The following AKT3 variants were observed in gnomAD, a reference collection of about 807,000 sequenced individuals.
AKT3 encodes AKT serine/threonine kinase 3.
A neutral mutation model predicts 65.3 loss-of-function variants in AKT3; 15 were observed. That is an observed-to-expected ratio of 0.23 (90% CI 0.15 to 0.35). The LOEUF is 0.35. Among genes scored for constraint, AKT3 ranks in the 10% least tolerant of loss-of-function variants. AKT3 has a pLI of 1.00. For missense variants in AKT3, 243 were observed against 576.5 expected, an observed-to-expected ratio of 0.42 and a Z score of 5.92; for synonymous variants, 206 against 183.8, an observed-to-expected ratio of 1.12 and a Z score of -0.98.
At chr1:243,769,961 A>G (rs1690072592) in intron 2 of AKT3, among the ~76,000 whole-genome samples, 1 of 152,172 alleles carries the variant, frequency 6.6e-6, no homozygotes, top group Non-Finnish European at 1.5e-5. Flanking sequence ...TAGGTGTTTA[A>G]TACACATTGC....
intron 2 of AKT3, among the ~76,000 whole-genome samples, chr1:243,718,473 A>T (rs767694692): frequency 6.6e-5 from 10 of 151,788 alleles, no homozygotes; most frequent in Non-Finnish European, 1.3e-4. Flanking sequence ...TTTTTTTCAG[A>T]CAGTCTCTCT....
rs1669209534 is a variant in AKT3, at chr1:243,500,768, T to G, written c.*4481A>C. ...TCTCAGAAGTGATGTGGATTAGGCTTTGGAGGCGGTGGCATGATCTACACA... is the reference window on the plus strand; with the variant it reads ...TCTCAGAAGTGATGTGGATTAGGCTGTGGAGGCGGTGGCATGATCTACACA... On this transcript the variant is annotated 3_prime_UTR_variant, in exon 14 of 14. Coordinates refer to ENST00000673466, the MANE Select transcript of AKT3 (RefSeq NM_005465.7). The G allele has an allele frequency of 4.8e-6, 1 of 207,144 alleles. No homozygotes were observed. The highest frequency in any genetic ancestry group is 2.1e-4 in the South Asian group (1 of 4,670). 12.8% of individuals were successfully genotyped at this position (207,144 alleles called of 1,614,324 possible).
chr1:243,671,882 C>T (rs1683177932), intron 3 of AKT3, among the ~76,000 whole-genome samples: 1 of 152,188 alleles, frequency 6.6e-6, no homozygotes, highest in Non-Finnish European at 1.5e-5. Context: ...ATCTCAATCC[C>T]AATCCCATGC....
chr1:243,513,501 C>A (rs1422126265), intron 12 of AKT3, among the ~76,000 whole-genome samples: 1 of 152,084 alleles, frequency 6.6e-6, no homozygotes, highest in Non-Finnish European at 1.5e-5. Flanking sequence ...CTTTCTGTCA[C>A]CAAATGTATG....
intron 3 of AKT3, among the ~76,000 whole-genome samples, chr1:243,693,139 T>C (rs1420712030): frequency 1.3e-5 from 2 of 149,878 alleles, no homozygotes; most frequent in African/African-American, 4.9e-5. Context: ...AAAAAGCCTA[T>C]TTTGGTAAAA....
In AKT3 at chr1:243,807,820, C is replaced by T. The variant is rs549032581; in HGVS notation, c.46+35305G>A. 2.2e-4 allele frequency among the ~76,000 whole-genome samples: 34 copies of T among 152,198 alleles called. 1 individual carries two copies. In the South Asian group the frequency reaches 6.8e-3, roughly 31 times the overall value. On this transcript the variant is annotated intron_variant, in intron 2 of 13. Coordinates refer to ENST00000673466, the MANE Select transcript of AKT3 (RefSeq NM_005465.7). Reference sequence around the variant, plus strand: ...ACTGACACCTCACACGGCCGGGCACCCCTCTGAGACGAAACTTCCAGAGGA... The same window carrying T: ...ACTGACACCTCACACGGCCGGGCACTCCTCTGAGACGAAACTTCCAGAGGA...
At chr1:243,711,328 A>T (rs1359537380) in intron 2 of AKT3, among the ~76,000 whole-genome samples, 1 of 152,196 alleles carries the variant, frequency 6.6e-6, no homozygotes, top group East Asian at 1.9e-4. Context: ...ACTCCATCTC[A>T]AAAACAAACA....
chr1:243,688,532 T>G (rs750580375), intron 3 of AKT3, among the ~76,000 whole-genome samples: 21 of 152,150 alleles, frequency 1.4e-4, no homozygotes, highest in Non-Finnish European at 2.1e-4. Context: ...CCAGAAAAGA[T>G]AATATTTGAA....
At chr1:243,794,852 A>C (rs1691852977) in intron 2 of AKT3, among the ~76,000 whole-genome samples, 2 of 152,184 alleles carry the variant, frequency 1.3e-5, no homozygotes, top group African/African-American at 4.8e-5. Context: ...ACACCATAGG[A>C]CTTTCTGCTT....
intron 2 of AKT3, among the ~76,000 whole-genome samples, chr1:243,701,309 G>T (rs949939446): frequency 2.0e-5 from 3 of 152,184 alleles, no homozygotes; most frequent in Non-Finnish European, 4.4e-5. Flanking sequence ...TCATGTTGAT[G>T]AATATCTGAT....
At chr1:243,612,519 A>C (rs1262677547) in intron 8 of AKT3, 2 of 153,454 alleles carry the variant, frequency 1.3e-5, no homozygotes, top group African/African-American at 4.8e-5. Context: ...GAAAATAAGA[A>C]TATTTTAAGT....
chr1:243,710,166 T>G (rs1438915743), intron 2 of AKT3, among the ~76,000 whole-genome samples: 1 of 152,170 alleles, frequency 6.6e-6, no homozygotes, highest in East Asian at 1.9e-4. Flanking sequence ...TAGAAGTTTC[T>G]GAAGTTTTCT....
At chr1:243,577,906 T>G (rs547287740) in intron 8 of AKT3, among the ~76,000 whole-genome samples, 14 of 152,236 alleles carry the variant, frequency 9.2e-5, no homozygotes, top group African/African-American at 3.4e-4. Context: ...AAAGAAGACA[T>G]TTATGTGACC....
chr1:243,507,335 T>C (rs1405974089), intron 13 of AKT3, among the ~76,000 whole-genome samples: 3 of 152,242 alleles, frequency 2.0e-5, no homozygotes, highest in Admixed American at 1.3e-4. Context: ...ATTCTGTCAC[T>C]TCAGTAACAC....
At chr1:243,843,976 C>T (rs1695400032) in intron 1 of AKT3, among the ~76,000 whole-genome samples, 1 of 152,068 alleles carries the variant, frequency 6.6e-6, no homozygotes, top group Non-Finnish European at 1.5e-5. Context: ...ATATAAAATA[C>T]AACGTACCAA....
At chr1:243,645,839 A>G in intron 5 of AKT3, 54 bp downstream of exon 5, 1 of 1,472,686 alleles carries the variant, frequency 6.8e-7, no homozygotes, top group Non-Finnish European at 9.1e-7. Context: ...AGCTTTTAAT[A>G]TGTTTCTTCC....
chr1:243,749,388 C>T (rs946160281), intron 2 of AKT3, among the ~76,000 whole-genome samples: 1 of 152,010 alleles, frequency 6.6e-6, no homozygotes, highest in Non-Finnish European at 1.5e-5. Flanking sequence ...CCTCTTCAAA[C>T]CCCTCTCCCC....
At chr1:243,722,828 C>T (rs1374218598) in intron 2 of AKT3, among the ~76,000 whole-genome samples, 1 of 152,126 alleles carries the variant, frequency 6.6e-6, no homozygotes, top group Non-Finnish European at 1.5e-5. Context: ...AGAACCCTGT[C>T]TAGGAAGCAA....
intron 2 of AKT3, among the ~76,000 whole-genome samples, chr1:243,821,124 A>C (rs1693830184): frequency 6.6e-6 from 1 of 152,210 alleles, no homozygotes; most frequent in Admixed American, 6.5e-5. Context: ...ATTGGGGACC[A>C]ATATACAACA....
Sources: allele counts gnomAD v4.1 joint callset (sites outside exome capture counted in the v4.1 genomes callset), GRCh38; gene constraint gnomAD v4.1.1; transcripts MANE v1.5; gene names NCBI Gene and HGNC (gene_info 2026-07-23, HGNC 2026-07-21).